Variants in MGMT observed in about 807,000 individuals in gnomAD.
MGMT encodes O-6-methylguanine-DNA methyltransferase, also known as methylated-DNA--protein-cysteine methyltransferase.
In MGMT, 14 loss-of-function variants were observed where a neutral mutation model predicts 15.9. That is an observed-to-expected ratio of 0.88 (90% CI 0.58 to 1.37). The LOEUF (loss-of-function observed/expected upper bound fraction) is 1.37. MGMT is among the 40% of genes most tolerant of loss of function. The pLI, the probability that MGMT is intolerant of heterozygous loss-of-function variation, is 0.00. For synonymous variants in MGMT, 130 were observed against 118.2 expected (o/e 1.10, Z -0.65); for missense variants, 282 against 268.1 (o/e 1.05, Z -0.36).
At chr10:129,527,519 T>C (rs1845884150) in intron 1 of MGMT, among the ~76,000 whole-genome samples, 1 of 152,332 alleles carries the variant, frequency 6.6e-6, no homozygotes, top group Middle Eastern at 3.4e-3. Flanking sequence ...AATTCCTCTC[T>C]GTAAGACAGG....
chr10:129,517,496 G>A (rs1178835684), intron 1 of MGMT, among the ~76,000 whole-genome samples: 2 of 152,162 alleles, frequency 1.3e-5, no homozygotes, highest in Admixed American at 6.5e-5. Context: ...TCTCTACCTC[G>A]GTTTACCTTT....
chr10:129,672,036 G>T (rs1443827631), intron 2 of MGMT, among the ~76,000 whole-genome samples: 1 of 152,198 alleles, frequency 6.6e-6, no homozygotes, highest in Non-Finnish European at 1.5e-5. Context: ...ACATCTACAT[G>T]AATACTTGTT....
intron 2 of MGMT, among the ~76,000 whole-genome samples, chr10:129,683,860 CAGA>C (rs1446476650): frequency 6.6e-6 from 1 of 152,200 alleles, no homozygotes; most frequent in Non-Finnish European, 1.5e-5. Context: ...TGGCAGTCTG[CAGA>C]AGATGTGTCA....
chr10:129,633,051 G>GGGCC (rs781079645), intron 2 of MGMT, among the ~76,000 whole-genome samples: 28 of 152,272 alleles, frequency 1.8e-4, no homozygotes, highest in Non-Finnish European at 3.4e-4. Flanking sequence ...TTTGAAGGAT[G>GGGCC]GGCCGGAAAT....
At chr10:129,587,116 A>G (rs553864929) in intron 2 of MGMT, among the ~76,000 whole-genome samples, 57 of 151,848 alleles carry the variant, frequency 3.8e-4, no homozygotes, top group African/African-American at 1.4e-3. Flanking sequence ...ATTTTCCTTC[A>G]TGTATGTGGA....
chr10:129,598,651 T>C (rs1846781486), intron 2 of MGMT, among the ~76,000 whole-genome samples: 1 of 152,256 alleles, frequency 6.6e-6, no homozygotes. Flanking sequence ...TGTTCTGAAT[T>C]GTTAGGGAGT....
At chr10:129,480,001 A>G (rs1350976413) in intron 1 of MGMT, among the ~76,000 whole-genome samples, 15 of 152,350 alleles carry the variant, frequency 9.8e-5, no homozygotes, top group Non-Finnish European at 1.5e-5. Context: ...AGCTTTTTGC[A>G]TAAATAACAT....
At chr10:129,617,603 C>T (rs200753517) in intron 2 of MGMT, among the ~76,000 whole-genome samples, 1 of 151,974 alleles carries the variant, frequency 6.6e-6, no homozygotes, top group East Asian at 1.9e-4. Context: ...TATTTTTTGA[C>T]TTTTTAATAA....
chr10:129,502,770 T>G (rs1845587513), intron 1 of MGMT, among the ~76,000 whole-genome samples: 1 of 151,106 alleles, frequency 6.6e-6, no homozygotes, highest in African/African-American at 2.4e-5. Context: ...ATTCTTTTCC[T>G]TAAAATCAAG....
At chr10:129,733,335 T>C (rs1391191579) in intron 3 of MGMT, among the ~76,000 whole-genome samples, 1 of 152,094 alleles carries the variant, frequency 6.6e-6, no homozygotes, top group Non-Finnish European at 1.5e-5. Flanking sequence ...TTCATGTGTT[T>C]TTTGGCTGCA....
intron 2 of MGMT, among the ~76,000 whole-genome samples, chr10:129,610,135 A>G (rs980696894): frequency 2.0e-5 from 3 of 152,212 alleles, no homozygotes; most frequent in Admixed American, 6.5e-5. Context: ...CAGATATTCA[A>G]TATTTGAGTT....
intron 2 of MGMT, among the ~76,000 whole-genome samples, chr10:129,622,003 A>G (rs903520448): frequency 3.3e-5 from 5 of 152,240 alleles, no homozygotes; most frequent in Admixed American, 1.3e-4. Context: ...AATTGATTGT[A>G]TCACAGAACG....
chr10:129,704,042 T>A (rs1475003193), intron 2 of MGMT, among the ~76,000 whole-genome samples: 1 of 152,118 alleles, frequency 6.6e-6, no homozygotes, highest in Non-Finnish European at 1.5e-5. Flanking sequence ...TTCGGCCGCC[T>A]TCCCCAGGGA....
intron 3 of MGMT, among the ~76,000 whole-genome samples, chr10:129,712,667 C>T (rs549710235): frequency 6.6e-6 from 1 of 152,260 alleles, no homozygotes; most frequent in Admixed American, 6.5e-5. Flanking sequence ...CTAGTGAGGA[C>T]TGCTTGGGTC....
chr10:129,589,327 C>T (rs61859896), intron 2 of MGMT, among the ~76,000 whole-genome samples: 109 of 152,300 alleles, frequency 7.2e-4, no homozygotes, highest in Admixed American at 1.8e-3. Context: ...GTTGTCCCTT[C>T]ATCACGGGAG....
chr10:129,704,124 G>C (rs1978758), intron 2 of MGMT, among the ~76,000 whole-genome samples: 120,175 of 151,844 alleles, frequency 0.79, 47,712 homozygotes, highest in African/African-American at 0.85. Context: ...TGTTTATTCG[G>C]TTAGCAAAGA....
chr10:129,492,266 A>C (rs533990882), intron 1 of MGMT, among the ~76,000 whole-genome samples: 2 of 152,112 alleles, frequency 1.3e-5, no homozygotes, highest in Non-Finnish European at 2.9e-5. Context: ...TCAGCCTGTA[A>C]ATGCTTTGGG....
intron 1 of MGMT, among the ~76,000 whole-genome samples, chr10:129,488,004 T>TACACACACACACACACACACAC (rs373298935): frequency 1.5e-3 from 180 of 121,500 alleles, no homozygotes; most frequent in Non-Finnish European, 1.7e-3. Context: ...CACATAGGTA[T>TACACACACACACACACACACAC]ACACACACAC....
intron 2 of MGMT, among the ~76,000 whole-genome samples, chr10:129,547,171 A>G (rs1306159673): frequency 6.6e-6 from 1 of 152,192 alleles, no homozygotes. Flanking sequence ...GTTACAACTC[A>G]AAGGCAGTTG....
Sources: gnomAD v4.1 joint callset for allele counts (sites outside exome capture counted in the v4.1 genomes callset) on GRCh38, gnomAD v4.1.1 for gene constraint, MANE v1.5 for transcripts, NCBI Gene and HGNC (gene_info 2026-07-23, HGNC 2026-07-21) for gene names.